The following SLC10A7 variants were observed in gnomAD, a reference collection of about 807,000 sequenced individuals.
SLC10A7 encodes the protein solute carrier family 10 member 7, also known as sodium/bile acid cotransporter 7.
SLC10A7 carries 29 observed loss-of-function variants against 43.2 expected under a neutral mutation model. The ratio of observed to expected loss-of-function variants is 0.67; its 90% CI spans 0.50 to 0.92. The LOEUF is 0.92. Among genes scored for constraint, SLC10A7 ranks in the 40% least tolerant of loss-of-function variants. The pLI, the probability that SLC10A7 is intolerant of heterozygous loss-of-function variation, is 0.00. For synonymous variants in SLC10A7, 152 were observed against 144.8 expected (o/e 1.05, Z -0.35); for missense variants, 295 against 403.2 (o/e 0.73, Z 2.30).
chr4:146,334,971 G>A (rs1733777340), intron 5 of SLC10A7, among the ~76,000 whole-genome samples: 1 of 151,790 alleles, frequency 6.6e-6, no homozygotes, highest in African/African-American at 2.4e-5. Context: ...GTTGGTGAAG[G>A]GTCTGAGATT....
intron 9 of SLC10A7, among the ~76,000 whole-genome samples, chr4:146,291,650 A>G (rs1438539138): frequency 6.6e-6 from 1 of 151,670 alleles, no homozygotes; most frequent in Non-Finnish European, 1.5e-5. Context: ...TGATTTTTGT[A>G]TGTGTCCACA....
chr4:146,461,864 A>G (rs1342359442), intron 4 of SLC10A7, among the ~76,000 whole-genome samples: 1 of 150,388 alleles, frequency 6.6e-6, no homozygotes, highest in Non-Finnish European at 1.5e-5. Flanking sequence ...AAAACTGACG[A>G]AGACAATTAT....
chr4:146,488,446 A>G (rs999621882), intron 4 of SLC10A7, among the ~76,000 whole-genome samples: 46 of 152,192 alleles, frequency 3.0e-4, no homozygotes, highest in Admixed American at 3.0e-3. Flanking sequence ...CATTTTTCCC[A>G]CATGAGATAT....
chr4:146,283,333 TGTA>T (rs1729670501), intron 9 of SLC10A7, 68 bp from the exon 10 acceptor site: 1 of 1,180,034 alleles, frequency 8.5e-7, no homozygotes, highest in Non-Finnish European at 1.3e-6. Flanking sequence ...CAAAATCAAA[TGTA>T]GTACCTACCT....
At chr4:146,420,416 A>AT (rs1728881972) in intron 5 of SLC10A7, among the ~76,000 whole-genome samples, 1 of 152,188 alleles carries the variant, frequency 6.6e-6, no homozygotes. Context: ...CTTGGTCAGT[A>AT]TAAGTATCTA....
chr4:146,324,664 G>C (rs1272602061), intron 6 of SLC10A7, among the ~76,000 whole-genome samples: 1 of 152,078 alleles, frequency 6.6e-6, no homozygotes, highest in Non-Finnish European at 1.5e-5. Flanking sequence ...GGTTGCATCT[G>C]GGAAACTGTC....
intron 5 of SLC10A7, among the ~76,000 whole-genome samples, chr4:146,416,970 C>A (rs1029616833): frequency 6.6e-6 from 1 of 152,154 alleles, no homozygotes; most frequent in Non-Finnish European, 1.5e-5. Flanking sequence ...CTGTCACCCA[C>A]CACCTTTCAA....
At chr4:146,350,659 T>G (rs1371331239) in intron 5 of SLC10A7, among the ~76,000 whole-genome samples, 4 of 110,922 alleles carry the variant, frequency 3.6e-5, no homozygotes, top group Non-Finnish European at 7.1e-5. Context: ...AGAGCAGTGG[T>G]TCTCCCAGCA....
chr4:146,304,473 G>T (rs1731400045), intron 7 of SLC10A7, among the ~76,000 whole-genome samples: 1 of 152,110 alleles, frequency 6.6e-6, no homozygotes, highest in Non-Finnish European at 1.5e-5. Context: ...TGGTTTCAAA[G>T]AACATCTTTA....
At chr4:146,436,714 A>G (rs1325551199) in intron 5 of SLC10A7, among the ~76,000 whole-genome samples, 1 of 152,034 alleles carries the variant, frequency 6.6e-6, no homozygotes, top group Admixed American at 6.6e-5. Flanking sequence ...GCAGAAGGAG[A>G]AAGTGCTTTG....
chr4:146,415,191 T>G (rs1024809176), intron 5 of SLC10A7, among the ~76,000 whole-genome samples: 86 of 152,336 alleles, frequency 5.6e-4, no homozygotes, highest in African/African-American at 2.0e-3. Context: ...TACTACTTTC[T>G]GTAACTTGAA....
At chr4:146,394,728 A>G (rs1738690420) in intron 5 of SLC10A7, among the ~76,000 whole-genome samples, 1 of 152,158 alleles carries the variant, frequency 6.6e-6, no homozygotes, top group Non-Finnish European at 1.5e-5. Context: ...AAACATGTAC[A>G]CACACAATAA....
chr4:146,514,956 G>T, intron 2 of SLC10A7: 1 of 576,838 alleles, frequency 1.7e-6, no homozygotes. Flanking sequence ...TTTGATTGCT[G>T]CTTAGATACC....
At chr4:146,385,522 C>T (rs1431290622) in intron 5 of SLC10A7, among the ~76,000 whole-genome samples, 1 of 151,992 alleles carries the variant, frequency 6.6e-6, no homozygotes, top group African/African-American at 2.4e-5. Context: ...AGGTGACTGT[C>T]CTTTGCTTAT....
chr4:146,348,316 A>G (rs942181764), intron 5 of SLC10A7, among the ~76,000 whole-genome samples: 5 of 152,194 alleles, frequency 3.3e-5, no homozygotes, highest in African/African-American at 9.6e-5. Context: ...AAGATATCTT[A>G]TGGAATTTTC....
intron 4 of SLC10A7, among the ~76,000 whole-genome samples, chr4:146,499,014 T>C (rs145797137): frequency 4.5e-4 from 69 of 152,240 alleles, no homozygotes; most frequent in African/African-American, 1.6e-3. Context: ...AATGACACCA[T>C]TACAACTGCA....
intron 5 of SLC10A7, chr4:146,441,640 C>A (rs759663491): frequency 3.2e-6 from 3 of 944,138 alleles, no homozygotes; most frequent in Admixed American, 6.2e-5. Flanking sequence ...ATTACTGAGT[C>A]TAAACTAAGC....
At chr4:146,343,210 T>C (rs1257187006) in intron 5 of SLC10A7, among the ~76,000 whole-genome samples, 1 of 152,050 alleles carries the variant, frequency 6.6e-6, no homozygotes, top group Admixed American at 6.6e-5. Context: ...CTTCTTGGGT[T>C]CTGTTTTTCT....
At chr4:146,468,504 C>T (rs1001038652) in intron 4 of SLC10A7, among the ~76,000 whole-genome samples, 12 of 146,264 alleles carry the variant, frequency 8.2e-5, no homozygotes, top group Non-Finnish European at 3.0e-5. Flanking sequence ...GAGTCTCGCT[C>T]TGTTGCCCAG....
Sources: allele counts gnomAD v4.1 joint callset (sites outside exome capture counted in the v4.1 genomes callset), GRCh38; gene constraint gnomAD v4.1.1; transcripts MANE v1.5; gene names NCBI Gene and HGNC (gene_info 2026-07-23, HGNC 2026-07-21).